The following MAGOH variants were observed in gnomAD, a reference collection of about 807,000 sequenced individuals.
MAGOH encodes protein mago nashi homolog.
A neutral mutation model predicts 20.9 loss-of-function variants in MAGOH; 3 were observed. The ratio of observed to expected loss-of-function variants is 0.14; its 90% CI spans 0.07 to 0.37. MAGOH has a LOEUF of 0.37. MAGOH is among the 10% of genes least tolerant of loss of function. The pLI is 1.00. For missense variants in MAGOH, 66 were observed against 178.1 expected (o/e 0.37, Z 3.58); for synonymous variants, 51 against 61.0 (o/e 0.84, Z 0.76).
intron 3 of MAGOH, 141 bp from the exon 4 acceptor site, chr1:53,229,095 C>T (rs189407194): frequency 2.4e-4 from 151 of 622,690 alleles, no homozygotes; most frequent in Non-Finnish European, 2.3e-4. Context: ...GAGCACTAAA[C>T]TGTGCTGGGC....
chr1:53,231,711 G>A (rs1163436287), intron 3 of MAGOH, among the ~76,000 whole-genome samples: 1 of 152,036 alleles, frequency 6.6e-6, no homozygotes, highest in African/African-American at 2.4e-5. Flanking sequence ...AATGACCACA[G>A]CTTTGTAAGA....
chr1:53,233,444 G>A, intron 3 of MAGOH, 98 bp downstream of exon 3: 1 of 748,648 alleles, frequency 1.3e-6, no homozygotes, highest in South Asian at 1.7e-5. Flanking sequence ...ATAGTAGTTA[G>A]TAAGTGAGAT....
At position 53,227,015 on chromosome 1, in the gene MAGOH, C is replaced by T. The variant is rs1448838559; in HGVS notation, c.*30G>A. 1 of 1,016,122 alleles carries T rather than the reference C, an allele frequency of 9.8e-7. No individual in the cohort carries two copies. Among genetic ancestry groups the T allele is most frequent in the Admixed American group, 2.4e-5 (1 of 41,104 alleles). The allele number at this position is 1,016,122 out of a possible 1,614,324, so 62.9% of individuals were successfully genotyped here. A position where few individuals can be genotyped will look rare whatever the true frequency, so the allele number is the denominator to read the frequency against. ...TATACACAAAATTTTCTACTCCCAC[C>T]CACCCCCCATGTCCACACCAATATT... is the stretch of plus-strand genomic sequence containing the variant. On this transcript the variant is annotated 3_prime_UTR_variant, in exon 5 of 5. Transcript: ENST00000371470.
intron 2 of MAGOH, 119 bp from the exon 3 acceptor site, chr1:53,233,771 TGGGAA>T: frequency 1.4e-6 from 1 of 701,528 alleles, no homozygotes; most frequent in Non-Finnish European, 2.5e-6. Flanking sequence ...TCTCCTTAAG[TGGGAA>T]GACATTCATG....
chr1:53,235,644 G>A lies in MAGOH; in HGVS notation c.89-9C>T, dbSNP rs1553171803. 1 of 1,609,768 alleles carries A rather than the reference G, an allele frequency of 6.2e-7. No individual in the cohort carries two copies. The highest frequency in any genetic ancestry group is 8.5e-7 in the Non-Finnish European group (1 of 1,177,282). ...GGCATATCTTAACTTCCCTGTGGGG[G>A]CAAAAAACAATTTCAACGTATAATA... On this transcript the variant is annotated splice_polypyrimidine_tract_variant and intron_variant, in intron 1 of 4. Coordinates refer to ENST00000371470, the MANE Select transcript of MAGOH (RefSeq NM_002370.4).
chr1:53,233,253 A>AT (rs1246437657), intron 3 of MAGOH: 1 of 250,078 alleles, frequency 4.0e-6, no homozygotes, highest in East Asian at 8.4e-5. Flanking sequence ...TCAGTTCAAT[A>AT]TGACAGTGGC....
chr1:53,237,859 T>C (rs1464034285), intron 1 of MAGOH, among the ~76,000 whole-genome samples: 2 of 151,984 alleles, frequency 1.3e-5, no homozygotes, highest in African/African-American at 4.8e-5. Context: ...AGCCTTGACA[T>C]CTGGTATTCC....
chr1:53,231,520 A>G (rs1645586157), intron 3 of MAGOH, among the ~76,000 whole-genome samples: 1 of 152,256 alleles, frequency 6.6e-6, no homozygotes, highest in African/African-American at 2.4e-5. Context: ...AATATTCCAT[A>G]AATACATTGT....
At chr1:53,235,365 T>A (rs1289132251) in intron 2 of MAGOH, among the ~76,000 whole-genome samples, 1 of 152,128 alleles carries the variant, frequency 6.6e-6, no homozygotes, top group African/African-American at 2.4e-5. Flanking sequence ...AACCAAGGTA[T>A]GTCAAAGGTT....
intron 3 of MAGOH, chr1:53,233,293 CA>C: frequency 3.2e-6 from 1 of 308,020 alleles, no homozygotes; most frequent in Non-Finnish European, 5.9e-6. Flanking sequence ...AAATGGTGCT[CA>C]GAATGAATAT....
chr1:53,237,673 C>CAAAAAAAAAAAAAAAAAAAAAA (rs1231950502), intron 1 of MAGOH, among the ~76,000 whole-genome samples: 7 of 55,336 alleles, frequency 1.3e-4, no homozygotes, highest in East Asian at 6.8e-4. Flanking sequence ...AAAGCCGTCT[C>CAAAAAAAAAAAAAAAAAAAAAA]AAAAAAAAAA....
chr1:53,235,770 T>C (rs571722777), intron 1 of MAGOH, 135 bp from the exon 2 acceptor site: 2 of 687,498 alleles, frequency 2.9e-6, no homozygotes, highest in Admixed American at 2.5e-5. Flanking sequence ...TTATTTACTC[T>C]TAAGGTATTT....
intron 4 of MAGOH, among the ~76,000 whole-genome samples, chr1:53,227,598 T>C (rs978766766): frequency 6.6e-6 from 1 of 152,214 alleles, no homozygotes; most frequent in African/African-American, 2.4e-5. Flanking sequence ...TGGAGTGCAA[T>C]GGCATGATCT....
intron 1 of MAGOH, among the ~76,000 whole-genome samples, 197 bp from the exon 2 acceptor site, chr1:53,235,832 T>C (rs775936755): frequency 2.6e-5 from 4 of 152,228 alleles, no homozygotes; most frequent in Non-Finnish European, 5.9e-5. Context: ...CAGCCAAATA[T>C]ACAGCTGAAA....
chr1:53,230,308 T>C (rs1645580236), intron 3 of MAGOH, among the ~76,000 whole-genome samples: 1 of 152,196 alleles, frequency 6.6e-6, no homozygotes, highest in African/African-American at 2.4e-5. Context: ...TGTGTCAGAT[T>C]TTTTTTAAAA....
Position 53,237,673 on chromosome 1 carries a change from C to CAAAAAAAAAAAA in MAGOH, c.88+676_88+687dup, listed in dbSNP as rs1231950502. Among the ~76,000 whole-genome samples, 142 of 55,324 alleles carry CAAAAAAAAAAAA rather than the reference C, an allele frequency of 2.6e-3. 11 individuals are homozygous for CAAAAAAAAAAAA. The highest frequency in any genetic ancestry group is 7.0e-3 in the African/African-American group (112 of 15,918). The allele number at this position is 55,324 out of a possible 152,430, so 36.3% of individuals were successfully genotyped here. ...TGGGCAAAAAGAGCGAAAGCCGTCT[C>CAAAAAAAAAAAA]AAAAAAAAAAAAAAAAAAAAGGCCT... On this transcript the variant is annotated intron_variant, in intron 1 of 4. Transcript: ENST00000371470.
intron 3 of MAGOH, among the ~76,000 whole-genome samples, chr1:53,231,590 A>C (rs1645586760): frequency 6.6e-6 from 1 of 152,086 alleles, no homozygotes; most frequent in Admixed American, 6.6e-5. Flanking sequence ...GTGAAAGTCC[A>C]CCTCTGTAGC....
At chr1:53,238,136 A>G (rs1408875183) in intron 1 of MAGOH, among the ~76,000 whole-genome samples, 1 of 152,178 alleles carries the variant, frequency 6.6e-6, no homozygotes, top group Non-Finnish European at 1.5e-5. Flanking sequence ...CGTATTCCCA[A>G]AGAGTGGAAC....
At chr1:53,233,994 A>C (rs1465273223) in intron 2 of MAGOH, 2 of 216,356 alleles carry the variant, frequency 9.2e-6, no homozygotes, top group African/African-American at 2.3e-5. Context: ...CCTCCAAAAA[A>C]ATCATACTGA....
Sources: gnomAD v4.1 joint callset for allele counts (sites outside exome capture counted in the v4.1 genomes callset) on GRCh38, gnomAD v4.1.1 for gene constraint, MANE v1.5 for transcripts, NCBI Gene and HGNC (gene_info 2026-07-23, HGNC 2026-07-21) for gene names.